XYLB: variants seen among roughly 807,000 people sequenced by gnomAD.
XYLB encodes xylulokinase, also known as xylulose kinase.
In XYLB, 62 loss-of-function variants were observed where a neutral mutation model predicts 78.7. That is an observed-to-expected ratio of 0.79 (90% confidence interval 0.64 to 0.97). The LOEUF (loss-of-function observed/expected upper bound fraction) is 0.97. Among genes scored for constraint, XYLB ranks in the 50% least tolerant of loss-of-function variants. The pLI is 0.00. For synonymous variants in XYLB, 245 were observed against 247.4 expected (o/e 0.99, Z 0.09); for missense variants, 687 against 676.8 (o/e 1.02, Z -0.17).
chr3:38,396,986 G>T, intron 16 of XYLB, 86 bp from the exon 17 acceptor site: 3 of 1,345,762 alleles, frequency 2.2e-6, no homozygotes, highest in Non-Finnish European at 3.2e-6. Context: ...ACATATGAGG[G>T]AGAGAGCCTG....
chr3:38,428,819 A>G, the XYLB span, among the ~76,000 whole-genome samples: 4 of 152,116 alleles, frequency 2.6e-5, no homozygotes, highest in Admixed American at 2.0e-4. Flanking sequence ...CCAGCTGTTC[A>G]TTGTCCTCTC....
intron 18 of XYLB, among the ~76,000 whole-genome samples, chr3:38,405,559 C>T (rs370968264): frequency 2.5e-4 from 38 of 152,214 alleles, no homozygotes; most frequent in Middle Eastern, 3.4e-3. Context: ...GTGCACCGTG[C>T]GCAAGCCGAA....
intron 2 of XYLB, among the ~76,000 whole-genome samples, chr3:38,349,709 A>T (rs540214495): frequency 9.2e-4 from 140 of 152,272 alleles, no homozygotes; most frequent in South Asian, 3.1e-3. Flanking sequence ...AAAGAGCGGA[A>T]ATTTATATTC....
In XYLB at chr3:38,375,436, G is replaced by A. The variant is rs1485926466; in HGVS notation, c.1004+177G>A. 2.6e-5 allele frequency among the ~76,000 whole-genome samples: 4 copies of A among 152,202 alleles called. No homozygotes were observed. The East Asian group carries it at 7.7e-4, about 29-fold the overall frequency. ...CTCACCAGCTCTTGCTGACAGCAGAGCTGGGTGGGGAATAACCCAAGACCC... is the reference window on the plus strand; with the variant it reads ...CTCACCAGCTCTTGCTGACAGCAGAACTGGGTGGGGAATAACCCAAGACCC... On this transcript the variant is annotated intron_variant, in intron 12 of 18. Coordinates refer to ENST00000207870, the MANE Select transcript of XYLB (RefSeq NM_005108.4).
At chr3:38,410,908 T>C (rs375613293) in intron 18 of XYLB, among the ~76,000 whole-genome samples, 1 of 151,820 alleles carries the variant, frequency 6.6e-6, no homozygotes, top group African/African-American at 2.4e-5. Flanking sequence ...TGTGGAGAAA[T>C]AGGAACACTT....
chr3:38,382,282 G>A (rs970652474), intron 15 of XYLB, among the ~76,000 whole-genome samples: 3 of 152,126 alleles, frequency 2.0e-5, no homozygotes, highest in Non-Finnish European at 4.4e-5. Flanking sequence ...GGAGGTTGAG[G>A]CTGCAGTGAG....
At chr3:38,354,423 A>C (rs1705533253) in intron 2 of XYLB, among the ~76,000 whole-genome samples, 1 of 150,974 alleles carries the variant, frequency 6.6e-6, no homozygotes, top group South Asian at 2.1e-4. Context: ...TTTTTTTTCC[A>C]GAGTTTCCAT....
At chr3:38,365,827 G>A (rs548656033) in intron 6 of XYLB, 91 bp downstream of exon 6, 16 of 1,459,596 alleles carry the variant, frequency 1.1e-5, no homozygotes, top group South Asian at 2.8e-5. Flanking sequence ...GATCACATGA[G>A]GTCATGGAGG....
At chr3:38,418,826 G>T (rs1464665017), downstream of XYLB, among the ~76,000 whole-genome samples, 1 of 152,106 alleles carries the variant, frequency 6.6e-6, no homozygotes, top group Non-Finnish European at 1.5e-5. Context: ...TAAAATGTAT[G>T]ACATTTATCA....
chr3:38,424,978 G>T (rs1051671153), downstream of XYLB, among the ~76,000 whole-genome samples: 1 of 152,166 alleles, frequency 6.6e-6, no homozygotes, highest in South Asian at 2.1e-4. Flanking sequence ...GGTCTCAAAC[G>T]CAGATACAGC....
chr3:38,423,462 T>G (rs1255899898), downstream of XYLB, among the ~76,000 whole-genome samples: 2 of 152,234 alleles, frequency 1.3e-5, no homozygotes, highest in African/African-American at 2.4e-5. Context: ...ATGGGAGCAT[T>G]GCAGCCTGGA....
At chr3:38,380,159 A>G (rs538243142) in intron 15 of XYLB, among the ~76,000 whole-genome samples, 49 of 152,252 alleles carry the variant, frequency 3.2e-4, no homozygotes, top group Admixed American at 2.2e-3. Flanking sequence ...TCATGACCCA[A>G]TCTCCTTAAA....
chr3:38,375,052 G>A (rs546114134), intron 11 of XYLB, 92 bp from the exon 12 acceptor site: 472 of 992,128 alleles, frequency 4.8e-4, no homozygotes, highest in Middle Eastern at 1.6e-3. Flanking sequence ...GAAGTGACAG[G>A]GTTAAGGTGG....
At chr3:38,422,080 T>G (rs1015913405), downstream of XYLB, among the ~76,000 whole-genome samples, 9 of 152,168 alleles carry the variant, frequency 5.9e-5, no homozygotes, top group African/African-American at 2.2e-4. Flanking sequence ...TTTAAACAAT[T>G]TATTAATCAA....
At chr3:38,375,754 G>A (rs1484225451) in intron 12 of XYLB, among the ~76,000 whole-genome samples, 2 of 152,160 alleles carry the variant, frequency 1.3e-5, no homozygotes, top group Non-Finnish European at 2.9e-5. Flanking sequence ...TGGTTTCTGA[G>A]CTCCTAAGCC....
the XYLB span, among the ~76,000 whole-genome samples, chr3:38,434,471 A>T: frequency 6.6e-6 from 1 of 152,256 alleles, no homozygotes. Context: ...TATTCAACAA[A>T]GTTACCCTTC....
chr3:38,369,235 A>T (rs1196813436), intron 8 of XYLB, among the ~76,000 whole-genome samples: 2 of 152,204 alleles, frequency 1.3e-5, no homozygotes, highest in Non-Finnish European at 2.9e-5. Context: ...CTTCCCTCAC[A>T]ATCTGGAGGA....
chr3:38,434,162 A>G, the XYLB span, among the ~76,000 whole-genome samples: 2 of 152,230 alleles, frequency 1.3e-5, no homozygotes, highest in Non-Finnish European at 2.9e-5. Flanking sequence ...CCATGTTTCA[A>G]TAATCTCCAC....
intron 18 of XYLB, among the ~76,000 whole-genome samples, chr3:38,409,526 G>A (rs1420643979): frequency 6.6e-6 from 1 of 152,158 alleles, no homozygotes; most frequent in Non-Finnish European, 1.5e-5. Flanking sequence ...AGTGTTGGAA[G>A]TTCTGGCCAG....
Sources: gnomAD v4.1 joint callset for allele counts (sites outside exome capture counted in the v4.1 genomes callset) on GRCh38, gnomAD v4.1.1 for gene constraint, MANE v1.5 for transcripts, NCBI Gene and HGNC (gene_info 2026-07-23, HGNC 2026-07-21) for gene names.